The following SLC9A9 variants were observed in gnomAD, a reference collection of about 807,000 sequenced individuals.
SLC9A9 encodes sodium/hydrogen exchanger 9.
Under a neutral mutation model 77.8 loss-of-function variants are expected in SLC9A9, and 62 were observed. The observed-to-expected ratio is 0.80, with a 90% confidence interval of 0.65 to 0.98. The LOEUF (loss-of-function observed/expected upper bound fraction) is 0.98, where lower values mean the gene tolerates loss of function less well. Among genes scored for constraint, SLC9A9 ranks in the 50% least tolerant of loss-of-function variants. The pLI is 0.00. For missense variants in SLC9A9, 775 were observed against 774.9 expected, an observed-to-expected ratio of 1.00 and a Z score of 0.00; for synonymous variants, 320 against 283.5, an observed-to-expected ratio of 1.13 and a Z score of -1.29.
chr3:143,487,349 C>T (rs2035670501), intron 11 of SLC9A9, among the ~76,000 whole-genome samples: 1 of 151,792 alleles, frequency 6.6e-6, no homozygotes, highest in Non-Finnish European at 1.5e-5. Flanking sequence ...ATATACCACT[C>T]TCAATAATGA....
intron 6 of SLC9A9, among the ~76,000 whole-genome samples, chr3:143,614,662 G>A (rs1242542854): frequency 6.6e-6 from 1 of 152,194 alleles, no homozygotes; most frequent in Admixed American, 6.5e-5. Flanking sequence ...CTATTAGTGT[G>A]AGACAGATAT....
intron 13 of SLC9A9, among the ~76,000 whole-genome samples, chr3:143,380,037 T>C (rs77495493): frequency 0.01 from 1,534 of 152,308 alleles, 15 homozygotes; most frequent in Middle Eastern, 0.027. Flanking sequence ...TTATCATAAA[T>C]AACATCCTGG....
chr3:143,576,753 T>C (rs939661734), intron 7 of SLC9A9, among the ~76,000 whole-genome samples: 1 of 152,160 alleles, frequency 6.6e-6, no homozygotes, highest in Non-Finnish European at 1.5e-5. Flanking sequence ...GGTGATAGGA[T>C]CATTGTGAAG....
At chr3:143,319,424 G>A (rs188004150) in intron 14 of SLC9A9, among the ~76,000 whole-genome samples, 1 of 152,298 alleles carries the variant, frequency 6.6e-6, no homozygotes, top group East Asian at 1.9e-4. Context: ...ATTAGTGAAT[G>A]TCTGTCATTT....
chr3:143,719,986 A>G (rs1469638515), intron 4 of SLC9A9, among the ~76,000 whole-genome samples: 1 of 152,046 alleles, frequency 6.6e-6, no homozygotes, highest in East Asian at 1.9e-4. Flanking sequence ...CAATTTATAT[A>G]ATAAATTTAC....
intron 8 of SLC9A9, among the ~76,000 whole-genome samples, chr3:143,565,752 T>G (rs1576580504): frequency 6.6e-6 from 1 of 151,746 alleles, no homozygotes; most frequent in East Asian, 1.9e-4. Flanking sequence ...TCACTTCACC[T>G]CATTTGTTGG....
At chr3:143,491,654 G>A (rs561906640) in intron 11 of SLC9A9, among the ~76,000 whole-genome samples, 2 of 152,162 alleles carry the variant, frequency 1.3e-5, no homozygotes, top group Non-Finnish European at 2.9e-5. Context: ...TAGAAGGTGC[G>A]AAAGCCTGGA....
chr3:143,403,676 T>C (rs2033910290), intron 12 of SLC9A9, among the ~76,000 whole-genome samples: 1 of 152,214 alleles, frequency 6.6e-6, no homozygotes, highest in African/African-American at 2.4e-5. Context: ...TGGACTTCAT[T>C]AATTCTGATA....
At chr3:143,842,075 A>T (rs1310561998) in intron 1 of SLC9A9, among the ~76,000 whole-genome samples, 1 of 152,086 alleles carries the variant, frequency 6.6e-6, no homozygotes, top group East Asian at 1.9e-4. Flanking sequence ...CTTAAAATCA[A>T]CTTTTAAAAA....
chr3:143,623,695 A>G (rs2038264673), intron 6 of SLC9A9, among the ~76,000 whole-genome samples: 1 of 152,242 alleles, frequency 6.6e-6, no homozygotes, highest in South Asian at 2.1e-4. Flanking sequence ...TAACATCACA[A>G]TTAAAAGAAC....
At chr3:143,518,516 C>T (rs1022535005) in intron 9 of SLC9A9, among the ~76,000 whole-genome samples, 6 of 152,200 alleles carry the variant, frequency 3.9e-5, no homozygotes, top group Admixed American at 6.5e-5. Context: ...TCGTGTCCAC[C>T]GCTGCAGTAA....
At chr3:143,723,258 A>G (rs1010800589) in intron 4 of SLC9A9, among the ~76,000 whole-genome samples, 2 of 152,002 alleles carry the variant, frequency 1.3e-5, no homozygotes, top group Admixed American at 6.5e-5. Flanking sequence ...AGCAGAAAAA[A>G]AAAATGAAAC....
intron 2 of SLC9A9, among the ~76,000 whole-genome samples, chr3:143,811,076 A>G (rs2008852782): frequency 6.6e-6 from 1 of 152,170 alleles, no homozygotes; most frequent in Non-Finnish European, 1.5e-5. Context: ...GGGGCAGTGG[A>G]CCAGAGTTCC....
At chr3:143,449,971 A>ATATATATTATATG (rs1553756163) in intron 12 of SLC9A9, among the ~76,000 whole-genome samples, 1 of 87,112 alleles carries the variant, frequency 1.1e-5, no homozygotes, top group African/African-American at 5.5e-5. Flanking sequence ...AATATATATA[A>ATATATATTATATG]TATATATTAT....
chr3:143,424,142 GGT>G (rs1400544936), intron 12 of SLC9A9, among the ~76,000 whole-genome samples: 1 of 152,138 alleles, frequency 6.6e-6, no homozygotes, highest in Non-Finnish European at 1.5e-5. Flanking sequence ...TGATTCTGGT[GGT>G]TGCATTGTGG....
intron 14 of SLC9A9, among the ~76,000 whole-genome samples, chr3:143,295,601 A>G (rs2030228571): frequency 1.3e-5 from 2 of 152,220 alleles, no homozygotes; most frequent in Admixed American, 6.5e-5. Context: ...TTCTTAAAGA[A>G]AGGTTGCCCC....
chr3:143,691,681 G>C (rs1933472217), intron 5 of SLC9A9, among the ~76,000 whole-genome samples: 1 of 151,910 alleles, frequency 6.6e-6, no homozygotes, highest in Non-Finnish European at 1.5e-5. Context: ...TTCTAAATAA[G>C]ACTTAACTAA....
intron 5 of SLC9A9, among the ~76,000 whole-genome samples, chr3:143,669,095 C>A (rs1205864730): frequency 6.6e-6 from 1 of 152,170 alleles, no homozygotes; most frequent in Non-Finnish European, 1.5e-5. Flanking sequence ...CCTGCATTTA[C>A]ATAATCCAGA....
intron 13 of SLC9A9, among the ~76,000 whole-genome samples, chr3:143,377,007 T>C (rs2033194070): frequency 6.6e-6 from 1 of 152,196 alleles, no homozygotes; most frequent in Admixed American, 6.5e-5. Flanking sequence ...TGGAAAAATG[T>C]TGATAACTGT....
Sources: allele counts gnomAD v4.1 joint callset (sites outside exome capture counted in the v4.1 genomes callset), GRCh38; gene constraint gnomAD v4.1.1; transcripts MANE v1.5; gene names NCBI Gene and HGNC (gene_info 2026-07-23, HGNC 2026-07-21).